The following ELF2 variants were observed in gnomAD, a reference collection of about 807,000 sequenced individuals.
The protein encoded by ELF2 is ETS-related transcription factor Elf-2.
Under a neutral mutation model 54.8 loss-of-function variants are expected in ELF2, and 11 were observed. The ratio of observed to expected loss-of-function variants is 0.20; its 90% CI spans 0.13 to 0.33. ELF2 has a LOEUF of 0.33. ELF2 is among the 10% of genes least tolerant of loss of function. The probability of loss-of-function intolerance (pLI) is 1.00; values close to 1 mark genes in which losing one functional copy is unlikely to be tolerated. For synonymous variants in ELF2, 203 were observed against 245.1 expected (o/e 0.83, Z 1.61); for missense variants, 513 against 703.0 (o/e 0.73, Z 3.06).
intron 1 of ELF2, among the ~76,000 whole-genome samples, chr4:139,176,421 C>A (rs1198895887): frequency 6.6e-6 from 1 of 151,890 alleles, no homozygotes; most frequent in Admixed American, 6.6e-5. Context: ...GCCCGCCACC[C>A]AGAGCGGCCG....
chr4:139,175,718 A>G (rs1742836696), intron 1 of ELF2, among the ~76,000 whole-genome samples: 1 of 152,240 alleles, frequency 6.6e-6, no homozygotes, highest in African/African-American at 2.4e-5. Flanking sequence ...CACGATTACT[A>G]TTCTCTCATC....
At chr4:139,115,518 G>A (rs1735612566) in intron 4 of ELF2, 1 of 470,774 alleles carries the variant, frequency 2.1e-6, no homozygotes, top group Non-Finnish European at 2.8e-6. Flanking sequence ...CGGAGCCCCC[G>A]GGCCTGGCCT....
intron 4 of ELF2, among the ~76,000 whole-genome samples, chr4:139,104,313 C>G (rs1734196925): frequency 6.6e-6 from 1 of 151,964 alleles, no homozygotes; most frequent in South Asian, 2.1e-4. Context: ...AGTTCGAGAC[C>G]ACCCTGGTCA....
At chr4:139,087,455 T>G (rs1261366009) in intron 4 of ELF2, among the ~76,000 whole-genome samples, 1 of 152,142 alleles carries the variant, frequency 6.6e-6, no homozygotes, top group Non-Finnish European at 1.5e-5. Context: ...ACAAACACGT[T>G]TTTTTGTTTT....
intron 7 of ELF2, chr4:139,066,932 T>C (rs973100165): frequency 2.6e-5 from 4 of 151,958 alleles, no homozygotes; most frequent in South Asian, 2.1e-4. Flanking sequence ...CATTTATTGA[T>C]TGGAAAATTA....
chr4:139,089,079 A>G (rs928028092), intron 4 of ELF2, among the ~76,000 whole-genome samples: 2 of 152,238 alleles, frequency 1.3e-5, no homozygotes, highest in African/African-American at 4.8e-5. Flanking sequence ...TACTATTTCT[A>G]TACTGATTCA....
intron 4 of ELF2, among the ~76,000 whole-genome samples, chr4:139,094,799 A>G (rs1048080601): frequency 1.3e-5 from 2 of 152,182 alleles, no homozygotes; most frequent in African/African-American, 2.4e-5. Context: ...TGAAATAGGC[A>G]TCTAATTTTA....
Position 139,058,822 on chromosome 4 carries a change from A to C in ELF2, c.*161T>G. 9.8e-7 allele frequency: 1 copy of C among 1,021,088 alleles called. No homozygotes were observed. The highest frequency in any genetic ancestry group is 1.4e-6 in the Non-Finnish European group (1 of 730,666). The allele number at this position is 1,021,088 out of a possible 1,614,324, so 63.3% of individuals were successfully genotyped here. A position where few individuals can be genotyped will look rare whatever the true frequency, so the allele number is the denominator to read the frequency against. On this transcript the variant is annotated 3_prime_UTR_variant, in exon 10 of 10. Transcript: ENST00000686138. The stretch of plus-strand genomic sequence containing the variant: ...TCAATATGTAGTTCATTTCCCACTG[A>C]AACATGGGATAGGTAATTTATTTCC...
intron 4 of ELF2, among the ~76,000 whole-genome samples, chr4:139,114,561 T>TCTCACACA (rs70940492): frequency 9.2e-6 from 1 of 108,636 alleles, no homozygotes; most frequent in Non-Finnish European, 1.8e-5. Flanking sequence ...GACTTCAGTC[T>TCTCACACA]CACACACACA....
At chr4:139,154,025 C>G (rs1269378947) in intron 1 of ELF2, among the ~76,000 whole-genome samples, 4 of 152,226 alleles carry the variant, frequency 2.6e-5, no homozygotes, top group Non-Finnish European at 4.4e-5. Flanking sequence ...GGAAAAAGCA[C>G]ATGTCACAGC....
At chr4:139,177,869 C>T (rs907171188), upstream of ELF2, among the ~76,000 whole-genome samples, 2 of 152,160 alleles carry the variant, frequency 1.3e-5, no homozygotes, top group Non-Finnish European at 2.9e-5. Flanking sequence ...AAACTCCTAG[C>T]CCGGTCTTTC....
At chr4:139,069,558 C>T (rs528963049) in intron 6 of ELF2, among the ~76,000 whole-genome samples, 1 of 152,232 alleles carries the variant, frequency 6.6e-6, no homozygotes, top group South Asian at 2.1e-4. Flanking sequence ...CATAAAGCGG[C>T]ACGTCCAAAG....
At chr4:139,160,806 T>C (rs1236070721) in intron 1 of ELF2, among the ~76,000 whole-genome samples, 1 of 151,822 alleles carries the variant, frequency 6.6e-6, no homozygotes, top group African/African-American at 2.4e-5. Context: ...CTACTAAAAA[T>C]ACAAAAATTA....
intron 4 of ELF2, among the ~76,000 whole-genome samples, chr4:139,106,566 C>T (rs1734430679): frequency 1.3e-5 from 2 of 151,306 alleles, no homozygotes; most frequent in Non-Finnish European, 2.9e-5. Flanking sequence ...TATCATATTA[C>T]GGTTTTTTTT....
intron 4 of ELF2, among the ~76,000 whole-genome samples, chr4:139,103,575 G>A (rs1029236140): frequency 6.6e-6 from 1 of 152,232 alleles, no homozygotes; most frequent in South Asian, 2.1e-4. Flanking sequence ...GCAAGGGCAT[G>A]GGACCTCCAT....
intron 4 of ELF2, among the ~76,000 whole-genome samples, chr4:139,099,842 C>A (rs1026952418): frequency 6.6e-6 from 1 of 152,172 alleles, no homozygotes; most frequent in Non-Finnish European, 1.5e-5. Context: ...AATAACAGAA[C>A]AGTCCTAATT....
chr4:139,156,478 C>G (rs961884691), intron 1 of ELF2, among the ~76,000 whole-genome samples: 3 of 151,956 alleles, frequency 2.0e-5, no homozygotes, highest in Admixed American at 2.0e-4. Context: ...CATGCCCGGC[C>G]AAACTTATAC....
In ELF2 at chr4:139,058,879, A is replaced by G; in HGVS notation, c.*104T>C. On this transcript the variant is annotated 3_prime_UTR_variant, in exon 10 of 10. Transcript: ENST00000686138. ...TCTGATTGTTTTTGTATATGCATTA[A>G]AAATGTTTTAAAGTCTTCTTTGACT... 2 of 1,472,370 alleles carry G rather than the reference A, an allele frequency of 1.4e-6. No individual in the cohort carries two copies. Among genetic ancestry groups the G allele is most frequent in the Non-Finnish European group, 1.8e-6 (2 of 1,104,842 alleles). 91.2% of individuals were successfully genotyped at this position (1,472,370 alleles called of 1,614,324 possible).
intron 1 of ELF2, among the ~76,000 whole-genome samples, chr4:139,152,891 CTTT>C (rs34208004): frequency 9.6e-6 from 1 of 104,060 alleles, no homozygotes; most frequent in Non-Finnish European, 1.9e-5. Context: ...TAGTGTCATA[CTTT>C]TTTTTTTTTT....
Sources: allele counts gnomAD v4.1 joint callset (sites outside exome capture counted in the v4.1 genomes callset), GRCh38; gene constraint gnomAD v4.1.1; transcripts MANE v1.5; gene names NCBI Gene and HGNC (gene_info 2026-07-23, HGNC 2026-07-21).